The following TMEM132D variants were observed in gnomAD, a reference collection of about 807,000 sequenced individuals.
The protein encoded by TMEM132D is transmembrane protein 132D.
A neutral mutation model predicts 62.3 loss-of-function variants in TMEM132D; 21 were observed. That is an observed-to-expected ratio of 0.34 (90% CI 0.24 to 0.49). The LOEUF is 0.49. TMEM132D is among the 20% of genes least tolerant of loss of function. The pLI, the probability that TMEM132D is intolerant of heterozygous loss-of-function variation, is 0.99. For missense variants in TMEM132D, 1,346 were observed against 1,402.8 expected (o/e 0.96, Z 0.65); for synonymous variants, 621 against 575.6 (o/e 1.08, Z -1.13).
intron 2 of TMEM132D, among the ~76,000 whole-genome samples, chr12:129,538,323 T>C (rs1566102952): frequency 6.6e-6 from 1 of 152,222 alleles, no homozygotes; most frequent in Non-Finnish European, 1.5e-5. Flanking sequence ...AATAGGATCA[T>C]GCCGAGGGCT....
chr12:129,516,098 C>G (rs1875666564), intron 3 of TMEM132D, among the ~76,000 whole-genome samples: 1 of 152,182 alleles, frequency 6.6e-6, no homozygotes, highest in Non-Finnish European at 1.5e-5. Flanking sequence ...ATAATTACAT[C>G]CATTCCATGT....
chr12:129,685,598 G>C (rs559766809), intron 2 of TMEM132D, among the ~76,000 whole-genome samples: 2 of 152,340 alleles, frequency 1.3e-5, no homozygotes, highest in Non-Finnish European at 2.9e-5. Context: ...AGGAAATGTG[G>C]TGTTGAAGCC....
At chr12:129,284,380 G>A (rs1881237215) in intron 4 of TMEM132D, among the ~76,000 whole-genome samples, 1 of 152,220 alleles carries the variant, frequency 6.6e-6, no homozygotes, top group Non-Finnish European at 1.5e-5. Flanking sequence ...AATAATAAGA[G>A]TCATTTTAAG....
chr12:129,836,828 G>A (rs1486005276), intron 1 of TMEM132D, among the ~76,000 whole-genome samples: 4 of 152,102 alleles, frequency 2.6e-5, no homozygotes, highest in African/African-American at 9.7e-5. Context: ...AACGATTATT[G>A]TACAGTACTT....
chr12:129,254,846 T>A (rs1566013101), intron 4 of TMEM132D, among the ~76,000 whole-genome samples: 1 of 152,208 alleles, frequency 6.6e-6, no homozygotes, highest in African/African-American at 2.4e-5. Flanking sequence ...TGAATTTTCA[T>A]CTCACCCTAG....
At chr12:129,607,668 C>T (rs1878663435) in intron 2 of TMEM132D, among the ~76,000 whole-genome samples, 1 of 152,210 alleles carries the variant, frequency 6.6e-6, no homozygotes, top group African/African-American at 2.4e-5. Flanking sequence ...ACTGCACACA[C>T]TGAGTGTTCA....
At chr12:129,784,188 G>A (rs775364143) in intron 1 of TMEM132D, among the ~76,000 whole-genome samples, 2 of 152,270 alleles carry the variant, frequency 1.3e-5, no homozygotes, top group East Asian at 1.9e-4. Context: ...CCATCCCCCC[G>A]TGAGACCACG....
At chr12:129,704,665 C>G (rs1266404380) in intron 1 of TMEM132D, among the ~76,000 whole-genome samples, 1 of 152,170 alleles carries the variant, frequency 6.6e-6, no homozygotes, top group Non-Finnish European at 1.5e-5. Flanking sequence ...GCATCCTCAC[C>G]GTCCCCCCAG....
At chr12:129,647,243 G>GTTTTTTTTTTTTTTTTTTTTGTT (rs57450911) in intron 2 of TMEM132D, among the ~76,000 whole-genome samples, 1 of 117,594 alleles carries the variant, frequency 8.5e-6, no homozygotes, top group Admixed American at 9.3e-5. Context: ...TTGTTTTTCT[G>GTTTTTTTTTTTTTTTTTTTTGTT]TTTTTTTTTT....
rs556458690 is a variant in TMEM132D at position 129,807,984 on chromosome 12, C to A, written c.79+95277G>T. 4.3e-4 allele frequency among the ~76,000 whole-genome samples: 66 copies of A among 152,278 alleles called. 1 individual carries two copies. The highest frequency in any genetic ancestry group is 6.8e-3 in the Middle Eastern group (2 of 294). On this transcript the variant is annotated intron_variant, in intron 1 of 8. Coordinates refer to ENST00000422113, the MANE Select transcript of TMEM132D (RefSeq NM_133448.3). ...CTTGGGAATTTGCATGAGAAAACCA[C>A]AAGAAATGTAATTATTTTTGCTAGC...
chr12:129,078,642 C>T lies in TMEM132D; in HGVS notation c.2007G>A (p.Gly669=), dbSNP rs1874354833. 2.5e-6 allele frequency: 4 copies of T among 1,614,156 alleles called. No homozygotes were observed. The highest frequency in any genetic ancestry group is 1.3e-5 in the African/African-American group (1 of 75,034). Residue 669 remains glycine (G), a synonymous_variant, in exon 8 of 9, where the codon GGG becomes GGA. Transcript: ENST00000422113. ...LDEKVTITDL[G]VQLVTGLSLS... ...GTGACAGCCCTGTCACCAGCTGCAC[C>T]CCGAGGTCTGTGATGGTCACCTTCT...
chr12:129,288,273 A>G (rs1881359717), intron 4 of TMEM132D, among the ~76,000 whole-genome samples: 1 of 152,242 alleles, frequency 6.6e-6, no homozygotes. Flanking sequence ...CTGCACAGCA[A>G]GAAGAAAAAT....
At chr12:129,379,796 A>G (rs1043626466) in intron 3 of TMEM132D, among the ~76,000 whole-genome samples, 3 of 152,192 alleles carry the variant, frequency 2.0e-5, no homozygotes, top group Non-Finnish European at 4.4e-5. Context: ...CTGGGAAAGA[A>G]ATTCTGAAGA....
At chr12:129,686,336 G>A (rs1316454531) in intron 2 of TMEM132D, among the ~76,000 whole-genome samples, 1 of 152,158 alleles carries the variant, frequency 6.6e-6, no homozygotes, top group African/African-American at 2.4e-5. Flanking sequence ...CTATTCTCAT[G>A]ATAGTGAGTG....
At chr12:129,400,623 T>G (rs1290796337) in intron 3 of TMEM132D, among the ~76,000 whole-genome samples, 1 of 152,148 alleles carries the variant, frequency 6.6e-6, no homozygotes, top group Non-Finnish European at 1.5e-5. Flanking sequence ...AAACTACTGG[T>G]TCTGCCCCTC....
intron 3 of TMEM132D, among the ~76,000 whole-genome samples, chr12:129,457,956 C>T (rs1352108262): frequency 6.6e-6 from 1 of 152,168 alleles, no homozygotes; most frequent in Non-Finnish European, 1.5e-5. Flanking sequence ...CACTTCCTCC[C>T]TGGTGCATTG....
chr12:129,438,099 T>C (rs1054570913), intron 3 of TMEM132D, among the ~76,000 whole-genome samples: 2 of 152,200 alleles, frequency 1.3e-5, no homozygotes, highest in Admixed American at 1.3e-4. Flanking sequence ...TAGTATTCCA[T>C]GGTGAATATG....
intron 2 of TMEM132D, among the ~76,000 whole-genome samples, chr12:129,689,490 T>A (rs568280132): frequency 3.9e-5 from 6 of 152,290 alleles, no homozygotes; most frequent in Middle Eastern, 3.4e-3. Flanking sequence ...GAAACCTAAA[T>A]GCTCCCCAAC....
At chr12:129,528,313 T>TA (rs1216111839) in intron 3 of TMEM132D, among the ~76,000 whole-genome samples, 4 of 151,594 alleles carry the variant, frequency 2.6e-5, no homozygotes, top group Non-Finnish European at 5.9e-5. Context: ...AAGGCAGAAG[T>TA]AAAATGAAAA....
Sources: gnomAD v4.1 joint callset for allele counts (sites outside exome capture counted in the v4.1 genomes callset) on GRCh38, gnomAD v4.1.1 for gene constraint, MANE v1.5 for transcripts, NCBI Gene and HGNC (gene_info 2026-07-23, HGNC 2026-07-21) for gene names.